METTL15: variants seen among roughly 807,000 people sequenced by gnomAD.
The protein encoded by METTL15 is 12S rRNA N(4)-cytidine methyltransferase METTL15.
Under a neutral mutation model 38.3 loss-of-function variants are expected in METTL15, and 34 were observed. The ratio of observed to expected loss-of-function variants is 0.89; its 90% confidence interval spans 0.68 to 1.18. METTL15 has a LOEUF of 1.18. METTL15 is among the 50% of genes most tolerant of loss of function. METTL15 has a pLI of 0.00. For synonymous variants in METTL15, 162 were observed against 170.9 expected (o/e 0.95, Z 0.41); for missense variants, 438 against 498.4 (o/e 0.88, Z 1.15).
intron 3 of METTL15, among the ~76,000 whole-genome samples, chr11:28,349,098 A>C (rs1405115817): frequency 1.3e-5 from 2 of 152,240 alleles, no homozygotes; most frequent in Non-Finnish European, 2.9e-5. Flanking sequence ...CTCTATATAC[A>C]TCTACAACTA....
intron 4 of METTL15, among the ~76,000 whole-genome samples, chr11:28,246,714 C>G (rs1854528547): frequency 6.6e-6 from 1 of 152,054 alleles, no homozygotes; most frequent in South Asian, 2.1e-4. Context: ...GGATACCAAA[C>G]AGTACTTCAT....
intron 3 of METTL15, among the ~76,000 whole-genome samples, chr11:28,126,124 C>G (rs997331130): frequency 1.3e-5 from 2 of 152,000 alleles, no homozygotes; most frequent in Non-Finnish European, 2.9e-5. Flanking sequence ...ATCAGAAAAC[C>G]TAGAGTACAC....
At chr11:28,253,270 G>A (rs1043416961) in intron 4 of METTL15, among the ~76,000 whole-genome samples, 4 of 152,086 alleles carry the variant, frequency 2.6e-5, no homozygotes, top group African/African-American at 9.7e-5. Context: ...TTGGCACCCA[G>A]TTGCTTAGGC....
At chr11:28,132,205 A>G (rs1849361453) in intron 3 of METTL15, among the ~76,000 whole-genome samples, 1 of 152,164 alleles carries the variant, frequency 6.6e-6, no homozygotes, top group Admixed American at 6.6e-5. Flanking sequence ...GACTTGTAAA[A>G]ACGAACCTCT....
At chr11:28,204,273 T>G (rs1478996863) in intron 3 of METTL15, among the ~76,000 whole-genome samples, 1 of 151,926 alleles carries the variant, frequency 6.6e-6, no homozygotes, top group Non-Finnish European at 1.5e-5. Context: ...ATGTCTTACA[T>G]TTTTTGTTCT....
At chr11:28,504,982 T>C (rs1275615643) in intron 6 of METTL15, among the ~76,000 whole-genome samples, 1 of 152,186 alleles carries the variant, frequency 6.6e-6, no homozygotes, top group Non-Finnish European at 1.5e-5. Flanking sequence ...AGCAGCCCTG[T>C]AGTTTGACAT....
intron 6 of METTL15, among the ~76,000 whole-genome samples, chr11:28,304,526 T>C (rs1179440228): frequency 6.6e-6 from 1 of 151,958 alleles, no homozygotes; most frequent in African/African-American, 2.4e-5. Flanking sequence ...AACTGGCCTG[T>C]TCAACATGGT....
chr11:28,424,785 C>T (rs1354608191), intron 6 of METTL15, among the ~76,000 whole-genome samples: 1 of 152,120 alleles, frequency 6.6e-6, no homozygotes, highest in Non-Finnish European at 1.5e-5. Context: ...AAGGCCAAGA[C>T]TTTTTGCATG....
intron 6 of METTL15, among the ~76,000 whole-genome samples, chr11:28,500,611 C>A (rs1851574401): frequency 1.3e-5 from 2 of 152,000 alleles, no homozygotes; most frequent in Non-Finnish European, 2.9e-5. Context: ...CGGCTCACTG[C>A]AACCCAGGTT....
At chr11:28,235,599 T>C (rs1345221186) in intron 4 of METTL15, among the ~76,000 whole-genome samples, 1 of 152,210 alleles carries the variant, frequency 6.6e-6, no homozygotes, top group East Asian at 1.9e-4. Context: ...ATGATTTGGC[T>C]CTCTGTTTGT....
intron 4 of METTL15, among the ~76,000 whole-genome samples, chr11:28,266,298 T>C (rs1855415231): frequency 6.6e-6 from 1 of 152,030 alleles, no homozygotes; most frequent in African/African-American, 2.4e-5. Context: ...AGCAAAGACT[T>C]GGAAACAACC....
At chr11:28,111,291 G>A (rs1398403744) in intron 2 of METTL15, among the ~76,000 whole-genome samples, 7 of 152,144 alleles carry the variant, frequency 4.6e-5, no homozygotes, top group African/African-American at 1.7e-4. Context: ...CCGCTACTCT[G>A]CGTTTTCCTG....
downstream of METTL15, among the ~76,000 whole-genome samples, chr11:28,334,375 G>T (rs190906460): frequency 6.4e-3 from 978 of 151,982 alleles, 3 homozygotes; most frequent in Non-Finnish European, 0.01. Flanking sequence ...TTAAAATTTT[G>T]TAAAATTTAT....
chr11:28,299,214 G>A (rs1206089630), intron 6 of METTL15, among the ~76,000 whole-genome samples: 1 of 152,064 alleles, frequency 6.6e-6, no homozygotes, highest in Non-Finnish European at 1.5e-5. Flanking sequence ...CCACACCCAT[G>A]ACATATGTCC....
intron 4 of METTL15, among the ~76,000 whole-genome samples, chr11:28,211,638 C>T (rs904623014): frequency 3.3e-5 from 5 of 151,896 alleles, no homozygotes; most frequent in Non-Finnish European, 5.9e-5. Flanking sequence ...TTCTGAAATT[C>T]ACAAGTAAAT....
chr11:28,158,269 G>C (rs1850332520), intron 3 of METTL15, among the ~76,000 whole-genome samples: 1 of 152,120 alleles, frequency 6.6e-6, no homozygotes, highest in Non-Finnish European at 1.5e-5. Context: ...TAATCAAGTG[G>C]ATAGGATGAC....
chr11:28,508,116 A>G (rs1448370439), intron 6 of METTL15, among the ~76,000 whole-genome samples: 2 of 151,952 alleles, frequency 1.3e-5, no homozygotes, highest in Non-Finnish European at 2.9e-5. Flanking sequence ...CTTTTAAAAC[A>G]CTTCAAACTT....
At position 28,512,996 on chromosome 11, in the gene METTL15, T is replaced by G. The variant is rs562909006; in HGVS notation, c.*425-13482T>G. ...AGAAAGAGGAGGGATTGGTCCTGCT[T>G]TCTCAGGGGTGGCAGAGGAGAAAGA... On this transcript the variant is annotated intron_variant and NMD_transcript_variant, in intron 6 of 7. Transcript: ENST00000532947. Among the ~76,000 whole-genome samples the G allele has an allele frequency of 5.9e-5, 9 of 152,310 alleles. No homozygotes were observed. In the South Asian group the frequency reaches 1.9e-3, roughly 32 times the overall value.
At chr11:28,378,330 G>T (rs908909150) in intron 5 of METTL15, among the ~76,000 whole-genome samples, 1 of 152,250 alleles carries the variant, frequency 6.6e-6, no homozygotes, top group Non-Finnish European at 1.5e-5. Flanking sequence ...AGGACCCTCT[G>T]AGCCAGGTGC....
Sources: gnomAD v4.1 joint callset for allele counts (sites outside exome capture counted in the v4.1 genomes callset) on GRCh38, gnomAD v4.1.1 for gene constraint, MANE v1.5 for transcripts, NCBI Gene and HGNC (gene_info 2026-07-23, HGNC 2026-07-21) for gene names.